Variants in YJU2B observed in about 807,000 individuals in gnomAD.
YJU2B encodes YJU2 splicing factor homolog B.
In YJU2B, 18 loss-of-function variants were observed where a neutral mutation model predicts 38.0. The observed-to-expected ratio is 0.47, with a 90% CI of 0.33 to 0.70. The LOEUF is 0.70. Among genes scored for constraint, YJU2B ranks in the 30% least tolerant of loss-of-function variants. The probability of loss-of-function intolerance (pLI) is 0.02; values close to 1 mark genes in which losing one functional copy is unlikely to be tolerated. For synonymous variants in YJU2B, 246 were observed against 225.4 expected (o/e 1.09, Z -0.82); for missense variants, 538 against 556.3 (o/e 0.97, Z 0.33).
At chr19:13,753,497 C>T (rs1973547525) in intron 2 of YJU2B, among the ~76,000 whole-genome samples, 1 of 148,276 alleles carries the variant, frequency 6.7e-6, no homozygotes, top group Non-Finnish European at 1.5e-5. Context: ...TTGCTTGAAT[C>T]CGGGAGGCGG....
intron 2 of YJU2B, among the ~76,000 whole-genome samples, chr19:13,737,627 A>T (rs562812732): frequency 6.7e-6 from 1 of 150,036 alleles, no homozygotes; most frequent in South Asian, 2.1e-4. Context: ...TCTACTAAAA[A>T]TACAAAAATT....
At chr19:13,749,026 A>G (rs1010736063) in intron 1 of YJU2B, among the ~76,000 whole-genome samples, 18 of 152,202 alleles carry the variant, frequency 1.2e-4, no homozygotes, top group African/African-American at 4.1e-4. Context: ...TGTTGGAGAC[A>G]GAATCTCACT....
chr19:13,754,263 A>C, intron 2 of YJU2B, 26 bp from the exon 3 acceptor site: 1 of 1,598,358 alleles, frequency 6.3e-7, no homozygotes, highest in Admixed American at 1.7e-5. Flanking sequence ...CCTCTCTCTG[A>C]GTCATGTCTC....
intron 2 of YJU2B, among the ~76,000 whole-genome samples, chr19:13,735,543 T>C (rs77914606): frequency 6.6e-6 from 1 of 151,538 alleles, no homozygotes; most frequent in Admixed American, 6.6e-5. Flanking sequence ...TTTTTTTTTT[T>C]CTCCAGCCCC....
intron 2 of YJU2B, among the ~76,000 whole-genome samples, chr19:13,734,584 C>A (rs1419514711): frequency 6.6e-6 from 1 of 151,830 alleles, no homozygotes; most frequent in Non-Finnish European, 1.5e-5. Flanking sequence ...GCCACCGCGC[C>A]CGGCCCTTTT....
intron 2 of YJU2B, among the ~76,000 whole-genome samples, chr19:13,752,821 G>A (rs977873250): frequency 2.6e-5 from 4 of 151,948 alleles, no homozygotes; most frequent in African/African-American, 4.8e-5. Context: ...GCTAAGGCAC[G>A]AGGATTGCTT....
At chr19:13,741,303 C>T (rs1300657178) in intron 2 of YJU2B, among the ~76,000 whole-genome samples, 7 of 151,460 alleles carry the variant, frequency 4.6e-5, no homozygotes, top group Admixed American at 6.6e-5. Context: ...TACAGGTGCA[C>T]GCCACCATGC....
intron 8 of YJU2B, chr19:13,759,567 T>C (rs977408586): frequency 4.2e-6 from 1 of 239,450 alleles, no homozygotes; most frequent in African/African-American, 3.4e-5. Flanking sequence ...CTGGGCAACA[T>C]AGTGAGACAC....
At chr19:13,756,375 T>G in intron 4 of YJU2B, 96 bp downstream of exon 4, 1 of 911,636 alleles carries the variant, frequency 1.1e-6, no homozygotes, top group Non-Finnish European at 1.8e-6. Context: ...TGCTGCAGGG[T>G]CTTCATTCCA....
At chr19:13,751,559 G>A (rs1973465160) in intron 1 of YJU2B, 49 bp from the exon 2 acceptor site, 1 of 529,792 alleles carries the variant, frequency 1.9e-6, no homozygotes, top group Non-Finnish European at 3.4e-6. Context: ...TGTCAGATGT[G>A]ATGCGTATAT....
At chr19:13,759,319 A>G (rs745715351) in intron 8 of YJU2B, 47 bp downstream of exon 8, 2 of 1,488,102 alleles carry the variant, frequency 1.3e-6, no homozygotes, top group South Asian at 2.5e-5. Context: ...ATGGTGGACC[A>G]AGGCCCGGGT....
upstream of YJU2B, among the ~76,000 whole-genome samples, chr19:13,746,257 A>C (rs1230898859): frequency 6.6e-6 from 1 of 152,130 alleles, no homozygotes; most frequent in Non-Finnish European, 1.5e-5. Flanking sequence ...CTCAAAAAAA[A>C]AAAAGTAAAT....
At chr19:13,751,473 G>T in intron 1 of YJU2B, 135 bp from the exon 2 acceptor site, 1 of 315,426 alleles carries the variant, frequency 3.2e-6, no homozygotes, top group Non-Finnish European at 5.9e-6. Context: ...GGCAGAGTCG[G>T]GAGAGAGAAG....
chr19:13,752,147 G>C (rs751613805), intron 2 of YJU2B, among the ~76,000 whole-genome samples: 1 of 151,948 alleles, frequency 6.6e-6, no homozygotes, highest in Non-Finnish European at 1.5e-5. Flanking sequence ...TAGAGACGGG[G>C]TTTTGCCATG....
intron 1 of YJU2B, among the ~76,000 whole-genome samples, chr19:13,748,217 C>T (rs557797242): frequency 2.0e-4 from 30 of 152,218 alleles, no homozygotes; most frequent in South Asian, 1.7e-3. Flanking sequence ...GTTTTTGCAT[C>T]GGGAAAATGG....
At position 13,742,831 on chromosome 19, in the gene YJU2B, G is replaced by A. The variant is rs147123814; in HGVS notation, c.-201-8777G>A. Reference sequence around the variant, plus strand: ...GTTCAGGTACAAGACAAGGGCTCAAGCAAAATCCAGATGGACTGAGTGAGA... The same window carrying A: ...GTTCAGGTACAAGACAAGGGCTCAAACAAAATCCAGATGGACTGAGTGAGA... On this transcript the variant is annotated intron_variant, in intron 2 of 10. Transcript: ENST00000586600. Among the ~76,000 whole-genome samples, 114 of 152,318 alleles carry A rather than the reference G, an allele frequency of 7.5e-4. 1 individual carries two copies. The highest frequency in any genetic ancestry group is 2.7e-3 in the African/African-American group (113 of 41,570).
At chr19:13,749,442 T>C (rs1973371561) in intron 1 of YJU2B, among the ~76,000 whole-genome samples, 1 of 152,182 alleles carries the variant, frequency 6.6e-6, no homozygotes, top group African/African-American at 2.4e-5. Flanking sequence ...GCCCGTTCAT[T>C]TATATATTGT....
At chr19:13,738,584 C>G (rs1440912303) in intron 2 of YJU2B, among the ~76,000 whole-genome samples, 1 of 152,106 alleles carries the variant, frequency 6.6e-6, no homozygotes, top group Admixed American at 6.6e-5. Context: ...CACGGTGAAA[C>G]CCCGTCTCTA....
At chr19:13,735,026 G>T (rs1384454593) in intron 2 of YJU2B, among the ~76,000 whole-genome samples, 2 of 152,194 alleles carry the variant, frequency 1.3e-5, no homozygotes, top group Non-Finnish European at 2.9e-5. Flanking sequence ...CCAAGGATCA[G>T]GAGATCTTAG....
Sources: gnomAD v4.1 joint callset for allele counts (sites outside exome capture counted in the v4.1 genomes callset) on GRCh38, gnomAD v4.1.1 for gene constraint, MANE v1.5 for transcripts, NCBI Gene and HGNC (gene_info 2026-07-23, HGNC 2026-07-21) for gene names.